The following CASK variants were observed in gnomAD, a reference collection of about 807,000 sequenced individuals.
CASK encodes peripheral plasma membrane protein CASK.
CASK carries 4 observed loss-of-function variants against 82.9 expected under a neutral mutation model. That is an observed-to-expected ratio of 0.05 (90% CI 0.02 to 0.11). CASK has a LOEUF of 0.11. Among genes scored for constraint, CASK ranks in the 10% least tolerant of loss-of-function variants. The pLI, the probability that CASK is intolerant of heterozygous loss-of-function variation, is 1.00. For missense variants in CASK, 358 were observed against 720.9 expected, an observed-to-expected ratio of 0.50 and a Z score of 5.76; for synonymous variants, 259 against 253.5, an observed-to-expected ratio of 1.02 and a Z score of -0.20.
intron 18 of CASK, 71 bp downstream of exon 18, chrX:41,559,708 A>C (rs929053881): frequency 3.1e-6 from 3 of 954,754 alleles, no homozygotes; most frequent in Non-Finnish European, 4.5e-6. Context: ...AGAAAGCAAA[A>C]ACATACAGCC....
intron 5 of CASK, among the ~76,000 whole-genome samples, chrX:41,706,234 C>T (rs1192233077): frequency 9.0e-6 from 1 of 111,372 alleles, no homozygotes; most frequent in Admixed American, 9.6e-5. Context: ...AGGGTCAGCT[C>T]TTGTGGGGAC....
intron 2 of CASK, among the ~76,000 whole-genome samples, chrX:41,819,545 C>T (rs954875864): frequency 9.0e-6 from 1 of 110,989 alleles, no homozygotes. Flanking sequence ...AAAGTAATAG[C>T]AATCCAATAC....
chrX:41,786,299 G>T (rs946382204), intron 3 of CASK, among the ~76,000 whole-genome samples: 1 of 110,963 alleles, frequency 9.0e-6, no homozygotes, highest in East Asian at 2.8e-4. Flanking sequence ...GAAGCAATAG[G>T]TAATGAATAT....
intron 3 of CASK, among the ~76,000 whole-genome samples, chrX:41,759,575 T>C (rs975042093): frequency 2.7e-5 from 3 of 111,308 alleles, no homozygotes; most frequent in African/African-American, 6.5e-5. Flanking sequence ...CTCCAAATAC[T>C]TGAAGAGAGT....
At chrX:41,612,578 C>T (rs1377556650) in intron 11 of CASK, among the ~76,000 whole-genome samples, 9 of 98,309 alleles carry the variant, frequency 9.2e-5, no homozygotes, top group East Asian at 3.4e-4. Context: ...AGGTGAGGGG[C>T]GCCTCTGCCC....
At chrX:41,612,394 G>A (rs1205836837) in intron 11 of CASK, among the ~76,000 whole-genome samples, 4 of 99,715 alleles carry the variant, frequency 4.0e-5, no homozygotes, top group African/African-American at 1.5e-4. Context: ...CAACCGCCCC[G>A]TCTGAGAAGT....
intron 1 of CASK, among the ~76,000 whole-genome samples, chrX:41,878,179 A>C (rs182168025): frequency 5.4e-5 from 6 of 110,360 alleles, no homozygotes; most frequent in South Asian, 7.7e-4. Flanking sequence ...AAAAAAAAAA[A>C]CAGAAAATGG....
intron 22 of CASK, among the ~76,000 whole-genome samples, chrX:41,535,753 C>G (rs1275750872): frequency 8.9e-6 from 1 of 111,980 alleles, no homozygotes; most frequent in Non-Finnish European, 1.9e-5. Flanking sequence ...GTGGAGTTCT[C>G]TAATCACTAC....
chrX:41,738,899 C>T (rs1017859113), intron 5 of CASK, among the ~76,000 whole-genome samples: 2 of 111,669 alleles, frequency 1.8e-5, no homozygotes, highest in African/African-American at 6.5e-5. Flanking sequence ...ATGATAATAC[C>T]GGTATTCCAA....
At chrX:41,715,430 G>A (rs1424495165) in intron 5 of CASK, among the ~76,000 whole-genome samples, 4 of 111,039 alleles carry the variant, frequency 3.6e-5, no homozygotes, top group African/African-American at 9.8e-5. Context: ...GACCACCCTG[G>A]CCGACATGGC....
intron 2 of CASK, among the ~76,000 whole-genome samples, chrX:41,829,732 T>TATATATATAC (rs2070753280): frequency 3.0e-5 from 1 of 33,525 alleles, no homozygotes; most frequent in Non-Finnish European, 5.1e-5. Context: ...TATATATATA[T>TATATATATAC]ATATATATAT....
intron 2 of CASK, among the ~76,000 whole-genome samples, chrX:41,810,890 T>G (rs2070264598): frequency 9.0e-6 from 1 of 111,480 alleles, no homozygotes; most frequent in African/African-American, 3.3e-5. Flanking sequence ...GAGGAAGATC[T>G]ACCAAGCAAA....
intron 5 of CASK, chrX:41,689,923 G>A (rs1205604097): frequency 2.7e-5 from 3 of 111,150 alleles, no homozygotes; most frequent in African/African-American, 9.8e-5. Context: ...AGTCACAGTG[G>A]AATCTGTTGG....
At chrX:41,892,217 C>T (rs1356095734) in intron 1 of CASK, among the ~76,000 whole-genome samples, 1 of 105,307 alleles carries the variant, frequency 9.5e-6, no homozygotes, top group Non-Finnish European at 1.9e-5. Context: ...AATAGTTCAA[C>T]GAGAATTTTT....
Position 41,700,931 on chromosome X carries a change from C to CA in CASK, c.430-29402dup, listed in dbSNP as rs1215266415. Among the ~76,000 whole-genome samples the CA allele has an allele frequency of 7.6e-3, 280 of 36,986 alleles. 14 individuals are homozygous for CA. The highest frequency in any genetic ancestry group is 0.017 in the African/African-American group (142 of 8,522). 32.1% of individuals were successfully genotyped at this position (36,986 alleles called of 115,157 possible). A position where few individuals can be genotyped will look rare whatever the true frequency, so the allele number is the denominator to read the frequency against. On this transcript the variant is annotated intron_variant, in intron 5 of 26. Transcript: ENST00000378163. ...TGGGCGACAGAGTGAGACTCCGTCT[C>CA]AAAAAAAAAAAAAAAAAAAAAAAAG...
intron 2 of CASK, among the ~76,000 whole-genome samples, chrX:41,797,021 C>G (rs1425240140): frequency 1.8e-5 from 2 of 111,659 alleles, no homozygotes; most frequent in Admixed American, 1.9e-4. Flanking sequence ...CTAAGCATGG[C>G]TTTGAAAGCC....
chrX:41,818,364 A>C (rs1268567861), intron 2 of CASK, among the ~76,000 whole-genome samples: 1 of 110,597 alleles, frequency 9.0e-6, no homozygotes, highest in African/African-American at 3.3e-5. Context: ...GCACTTTGGG[A>C]GGCTGAGGTG....
intron 3 of CASK, chrX:41,786,675 T>C (rs2069613512): frequency 7.0e-6 from 1 of 142,289 alleles, no homozygotes; most frequent in African/African-American, 3.2e-5. Context: ...CTCACAATTC[T>C]CCATCTTACC....
At position 41,578,351 on chromosome X, in the gene CASK, C is replaced by T. The variant is rs1414249854; in HGVS notation, c.1492G>A (p.Asp498Asn). 1.7e-6 allele frequency: 2 copies of T among 1,203,599 alleles called. No individual in the cohort carries two copies. Among genetic ancestry groups the T allele is most frequent in the Middle Eastern group, 2.3e-4 (1 of 4,287 alleles). ...VRLVQFQKNT[D>N]EPMGITLKMN... is the part of the protein sequence containing the mutation. The stretch of plus-strand genomic sequence containing the variant: ...CTCTTCCTACTTACCATTGGTTCAT[C>T]TGTGTTCTTTTGAAACTGTACCAGC... The change falls in exon 15 of 27, where the codon GAT becomes AAT. Residue 498 changes from aspartate to asparagine, a missense_variant. Asp to Asn is a conservative substitution (Grantham distance 23). Transcript: ENST00000378163.
Sources: allele counts gnomAD v4.1 joint callset (sites outside exome capture counted in the v4.1 genomes callset), GRCh38; gene constraint gnomAD v4.1.1; transcripts MANE v1.5; gene names NCBI Gene and HGNC (gene_info 2026-07-23, HGNC 2026-07-21).